The following DLC1 variants were observed in gnomAD, a reference collection of about 807,000 sequenced individuals.
DLC1 encodes DLC1 Rho GTPase activating protein, also known as rho GTPase-activating protein 7.
In DLC1, 54 loss-of-function variants were observed where a neutral mutation model predicts 140.3. The ratio of observed to expected loss-of-function variants is 0.38; its 90% CI spans 0.31 to 0.48. The LOEUF (loss-of-function observed/expected upper bound fraction) is 0.48, where lower values mean the gene tolerates loss of function less well. Among genes scored for constraint, DLC1 ranks in the 20% least tolerant of loss-of-function variants. The pLI is 0.96. For missense variants in DLC1, 2,536 were observed against 1,907.0 expected, an observed-to-expected ratio of 1.33 and a Z score of -6.14; for synonymous variants, 986 against 728.1, an observed-to-expected ratio of 1.35 and a Z score of -5.70.
chr8:13,453,528 G>GTA (rs1401129250), intron 2 of DLC1, among the ~76,000 whole-genome samples: 388 of 31,908 alleles, frequency 0.012, 29 homozygotes, highest in East Asian at 0.092. Context: ...ATATATATAT[G>GTA]TATATATATA....
chr8:13,096,586 G>A (rs539041732), intron 10 of DLC1, among the ~76,000 whole-genome samples: 4 of 152,052 alleles, frequency 2.6e-5, no homozygotes, highest in Non-Finnish European at 4.4e-5. Flanking sequence ...GATCCCCACC[G>A]AGAATCTGAA....
chr8:13,551,866 G>GTGTA (rs377207513), intron 1 of DLC1, among the ~76,000 whole-genome samples: 17,621 of 136,190 alleles, frequency 0.13, 1,272 homozygotes, highest in South Asian at 0.2. Context: ...ACAAGTGTGT[G>GTGTA]TATATATATA....
chr8:13,344,294 G>A (rs1834211923), intron 4 of DLC1, among the ~76,000 whole-genome samples: 1 of 152,166 alleles, frequency 6.6e-6, no homozygotes, highest in Admixed American at 6.5e-5. Context: ...AGGAGTTTGA[G>A]ACCAGCCTGA....
intron 5 of DLC1, among the ~76,000 whole-genome samples, chr8:13,262,888 C>T (rs1160144426): frequency 6.6e-6 from 1 of 152,206 alleles, no homozygotes; most frequent in African/African-American, 2.4e-5. Context: ...GAATAACCAT[C>T]ACTAGTTATG....
At chr8:13,127,405 T>G (rs1415520121) in intron 5 of DLC1, among the ~76,000 whole-genome samples, 1 of 152,216 alleles carries the variant, frequency 6.6e-6, no homozygotes, top group African/African-American at 2.4e-5. Context: ...AGGCTGCCTT[T>G]GCCAAGTTCT....
intron 1 of DLC1, among the ~76,000 whole-genome samples, chr8:13,506,534 C>T (rs1202643578): frequency 1.4e-5 from 2 of 146,428 alleles, no homozygotes; most frequent in South Asian, 2.2e-4. Context: ...TATACACATA[C>T]ACACACATGG....
At chr8:13,375,225 C>T (rs1835919439) in intron 4 of DLC1, among the ~76,000 whole-genome samples, 1 of 152,042 alleles carries the variant, frequency 6.6e-6, no homozygotes, top group Non-Finnish European at 1.5e-5. Context: ...GACGGGGTTT[C>T]ACTGTGTTAG....
At chr8:13,228,066 T>C (rs1828874147) in intron 5 of DLC1, among the ~76,000 whole-genome samples, 1 of 152,204 alleles carries the variant, frequency 6.6e-6, no homozygotes, top group Non-Finnish European at 1.5e-5. Context: ...AGAGACTATG[T>C]ATATCAGGGT....
intron 5 of DLC1, chr8:13,116,381 T>G: frequency 3.6e-6 from 1 of 275,786 alleles, no homozygotes. Flanking sequence ...CTGGAGCACA[T>G]ATTTACAATC....
chr8:13,235,752 C>G (rs916280392), intron 5 of DLC1, among the ~76,000 whole-genome samples: 1 of 151,922 alleles, frequency 6.6e-6, no homozygotes, highest in Non-Finnish European at 1.5e-5. Flanking sequence ...TGTTCACTCA[C>G]AAGACCACAG....
intron 5 of DLC1, among the ~76,000 whole-genome samples, chr8:13,141,869 A>T (rs1272854208): frequency 6.6e-6 from 1 of 152,102 alleles, no homozygotes; most frequent in Non-Finnish European, 1.5e-5. Flanking sequence ...CGAATTACAC[A>T]TTTTAAAAAA....
At chr8:13,366,858 C>G (rs1835505492) in intron 4 of DLC1, among the ~76,000 whole-genome samples, 1 of 152,146 alleles carries the variant, frequency 6.6e-6, no homozygotes, top group Admixed American at 6.5e-5. Context: ...ATTCTCCCTT[C>G]TGGCCGGGCT....
Position 13,099,562 on chromosome 8 carries a change from C to G in DLC1, c.2775G>C (p.Glu925Asp). The change falls in exon 9 of 18, where the codon GAG (glutamate) becomes GAC (aspartate). Residue 925 changes from glutamate (E) to aspartate (D), a missense_variant. Physicochemically the swap from Glu to Asp is conservative, Grantham distance 45 (BLOSUM62 2). Coordinates refer to ENST00000276297, the MANE Select transcript of DLC1 (RefSeq NM_182643.3). ...GMQRIVNQWS[E>D]KFSDEGDSDS... ...CCGAATCTCCCTCATCAGAAAACTT[C>G]TCCGACCACTGATTGACTATCCGCT... 6.2e-7 allele frequency: 1 copy of G among 1,614,186 alleles called. No homozygotes were observed. The highest frequency in any genetic ancestry group is 1.1e-5 in the South Asian group (1 of 91,086).
chr8:13,580,994 T>C (rs1805074393), intron 1 of DLC1, among the ~76,000 whole-genome samples: 1 of 152,178 alleles, frequency 6.6e-6, no homozygotes, highest in Admixed American at 6.5e-5. Context: ...AGCTTTCTTA[T>C]CAGCTTTCCC....
At chr8:13,378,519 T>C (rs112623590) in intron 4 of DLC1, among the ~76,000 whole-genome samples, 4,702 of 152,154 alleles carry the variant, frequency 0.031, 84 homozygotes, top group Non-Finnish European at 0.033. Flanking sequence ...GGTATAAAAA[T>C]GCAATGAAAA....
At chr8:13,200,487 G>A (rs149978351) in intron 5 of DLC1, among the ~76,000 whole-genome samples, 3 of 152,258 alleles carry the variant, frequency 2.0e-5, no homozygotes, top group African/African-American at 7.2e-5. Context: ...ATTGGTTTAG[G>A]AACCCACATT....
At chr8:13,366,437 G>C (rs766656060) in intron 4 of DLC1, among the ~76,000 whole-genome samples, 2 of 152,168 alleles carry the variant, frequency 1.3e-5, no homozygotes, top group African/African-American at 2.4e-5. Context: ...TGGTAGGTGT[G>C]TGAATGGGGA....
At position 13,474,490 on chromosome 8, in the gene DLC1, T is replaced by C. The variant is rs1237439767; in HGVS notation, c.1023+24559A>G. ...CTACTGGGGCACTGCCTAGTGGAGCTGTGAGAAAAGGGCCACTGTCCTCCA... is the reference window on the plus strand; with the variant it reads ...CTACTGGGGCACTGCCTAGTGGAGCCGTGAGAAAAGGGCCACTGTCCTCCA... On this transcript the variant is annotated intron_variant, in intron 2 of 17. Transcript: ENST00000276297. 3.3e-5 allele frequency among the ~76,000 whole-genome samples: 5 copies of C among 152,242 alleles called. No homozygotes were observed. The East Asian group carries it at 9.7e-4, about 30-fold the overall frequency.
intron 1 of DLC1, among the ~76,000 whole-genome samples, chr8:13,506,703 G>C (rs1472415501): frequency 1.3e-5 from 2 of 151,318 alleles, no homozygotes; most frequent in Admixed American, 1.3e-4. Flanking sequence ...ACATAAAACA[G>C]CTATCGCATA....
Sources: gnomAD v4.1 joint callset for allele counts (sites outside exome capture counted in the v4.1 genomes callset) on GRCh38, gnomAD v4.1.1 for gene constraint, MANE v1.5 for transcripts, NCBI Gene and HGNC (gene_info 2026-07-23, HGNC 2026-07-21) for gene names.